Variants in RCBTB1 observed in about 807,000 individuals in gnomAD.
RCBTB1 encodes the protein RCC1 and BTB domain-containing protein 1.
RCBTB1 carries 46 observed loss-of-function variants against 62.4 expected under a neutral mutation model. That is an observed-to-expected ratio of 0.74 (90% confidence interval 0.58 to 0.94). The LOEUF (loss-of-function observed/expected upper bound fraction) is 0.94, where lower values mean the gene tolerates loss of function less well. Ranked by LOEUF, RCBTB1 falls within the 40% of genes least tolerant of loss-of-function variation. The probability of loss-of-function intolerance (pLI) is 0.00; values close to 1 mark genes in which losing one functional copy is unlikely to be tolerated. For missense variants in RCBTB1, 565 were observed against 654.9 expected (o/e 0.86, Z 1.50); for synonymous variants, 222 against 245.8 (o/e 0.90, Z 0.91).
chr13:49,538,155 A>C (rs2139119677), intron 12 of RCBTB1: 1 of 152,316 alleles, frequency 6.6e-6, no homozygotes, highest in East Asian at 1.9e-4. Flanking sequence ...TAATAAACAC[A>C]GTAAGAGGGC....
chr13:49,537,232 A>T (rs7999363), intron 12 of RCBTB1, among the ~76,000 whole-genome samples: 1 of 151,978 alleles, frequency 6.6e-6, no homozygotes, highest in East Asian at 1.9e-4. Flanking sequence ...TAACTGCAAG[A>T]CAAAACCCCA....
chr13:49,576,432 T>C (rs1316629120), intron 2 of RCBTB1, among the ~76,000 whole-genome samples: 1 of 152,118 alleles, frequency 6.6e-6, no homozygotes, highest in East Asian at 1.9e-4. Flanking sequence ...AAATTAAATA[T>C]AGAAAGGTTT....
intron 1 of RCBTB1, among the ~76,000 whole-genome samples, chr13:49,584,847 T>C (rs1440532151): frequency 6.6e-6 from 1 of 152,186 alleles, no homozygotes; most frequent in Non-Finnish European, 1.5e-5. Flanking sequence ...GCGTGCTCGA[T>C]AGTCATCTTA....
At position 49,533,837 on chromosome 13, in the gene RCBTB1, G is replaced by C. The variant is rs3186012; in HGVS notation, c.*285C>G. 0.49 allele frequency: 115,070 copies of C among 232,532 alleles called. 29,200 individuals are homozygous for C. The highest frequency in any genetic ancestry group is 0.55 in the Middle Eastern group (386 of 696). The allele number at this position is 232,532 out of a possible 1,614,324, so 14.4% of individuals were successfully genotyped here. ...AAGTTCCTCTAATCAAAAATGAAAAGAAGACCAAAAACGACTAACTTTCAC... is the reference window on the plus strand; with the variant it reads ...AAGTTCCTCTAATCAAAAATGAAAACAAGACCAAAAACGACTAACTTTCAC... On this transcript the variant is annotated 3_prime_UTR_variant, in exon 13 of 13. Coordinates refer to ENST00000378302, the MANE Select transcript of RCBTB1 (RefSeq NM_018191.4).
chr13:49,547,263 G>GCACTCTTGC, intron 9 of RCBTB1: 1 of 1,041,070 alleles, frequency 9.6e-7, no homozygotes. Context: ...TTTAAGGCAA[G>GCACTCTTGC]CTTAACTCTT....
At chr13:49,554,104 T>C (rs1428523016) in intron 6 of RCBTB1, among the ~76,000 whole-genome samples, 2 of 152,160 alleles carry the variant, frequency 1.3e-5, no homozygotes, top group Non-Finnish European at 2.9e-5. Flanking sequence ...CAGGATGCTA[T>C]ACAGGGGAGC....
intron 11 of RCBTB1, 70 bp from the exon 12 acceptor site, chr13:49,541,076 G>A: frequency 7.5e-7 from 1 of 1,338,426 alleles, no homozygotes; most frequent in South Asian, 1.3e-5. Flanking sequence ...ATTTTGTTTT[G>A]GTGAACAGAG....
chr13:49,583,359 C>A (rs1351330134), intron 1 of RCBTB1, among the ~76,000 whole-genome samples: 4 of 149,518 alleles, frequency 2.7e-5, no homozygotes, highest in African/African-American at 9.9e-5. Flanking sequence ...AGCTTTTCTA[C>A]CCCAGGAAAG....
At position 49,540,881 on chromosome 13, in the gene RCBTB1, C is replaced by T; in HGVS notation, c.1450G>A (p.Ala484Thr). 1 of 1,612,146 alleles carries T rather than the reference C, an allele frequency of 6.2e-7. No individual in the cohort carries two copies. ...SLFSAAVRYDAEDLEEFCFKF... is the reference protein window; with the variant it reads ...SLFSAAVRYDTEDLEEFCFKF... ...CTGTTTGTTGTTTAAGTTACCTCTG[C>T]ATCATATCTGACTGCAGCAGAGAAT... The change falls in exon 12 of 13, where the codon GCA becomes ACA. Residue 484 changes from alanine to threonine, a missense_variant. Ala to Thr is a moderately conservative substitution (Grantham distance 58). Coordinates refer to ENST00000378302, the MANE Select transcript of RCBTB1 (RefSeq NM_018191.4).
chr13:49,545,014 G>T, intron 9 of RCBTB1, 151 bp from the exon 10 acceptor site: 6 of 538,740 alleles, frequency 1.1e-5, no homozygotes, highest in Non-Finnish European at 1.3e-5. Flanking sequence ...CAATTCTACG[G>T]TATTAAAGTA....
chr13:49,557,296 C>T (rs1211864702), intron 5 of RCBTB1, among the ~76,000 whole-genome samples: 1 of 151,850 alleles, frequency 6.6e-6, no homozygotes, highest in East Asian at 1.9e-4. Context: ...CAGGAAATGA[C>T]AAGACTTGAC....
Position 49,574,201 on chromosome 13 carries a change from C to T in RCBTB1, c.-42+6304G>A, listed in dbSNP as rs149199312. Among the ~76,000 whole-genome samples the T allele has an allele frequency of 3.3e-3, 496 of 152,176 alleles. 2 individuals are homozygous for T. The highest frequency in any genetic ancestry group is 5.6e-3 in the Admixed American group (86 of 15,282). ...TGGCACCATCTTGGCTCACTGCAACCTCCACCTCCCCAGTTCAAGCAATTC... is the reference window on the plus strand; with the variant it reads ...TGGCACCATCTTGGCTCACTGCAACTTCCACCTCCCCAGTTCAAGCAATTC... On this transcript the variant is annotated intron_variant, in intron 2 of 12. Transcript: ENST00000378302.
At chr13:49,547,225 G>A in intron 9 of RCBTB1, 1 of 1,202,074 alleles carries the variant, frequency 8.3e-7, no homozygotes, top group Non-Finnish European at 1.1e-6. Flanking sequence ...CAAAAATAAA[G>A]TGAAAGGGAG....
At chr13:49,540,825 A>T (rs2139130693) in intron 12 of RCBTB1, 51 bp downstream of exon 12, 1 of 1,578,486 alleles carries the variant, frequency 6.3e-7, no homozygotes, top group South Asian at 1.2e-5. Context: ...GGGGGAGACG[A>T]GCACAAAGGG....
chr13:49,564,911 A>G (rs896063976), intron 4 of RCBTB1, among the ~76,000 whole-genome samples: 2 of 151,968 alleles, frequency 1.3e-5, no homozygotes, highest in African/African-American at 4.8e-5. Context: ...AGAAAGAAAG[A>G]AAAGAAAAAC....
chr13:49,541,089 G>A, intron 11 of RCBTB1, 83 bp from the exon 12 acceptor site: 2 of 1,223,406 alleles, frequency 1.6e-6, no homozygotes, highest in South Asian at 1.5e-5. Flanking sequence ...GAACAGAGGT[G>A]TACAGGTAAA....
intron 7 of RCBTB1, 152 bp downstream of exon 7, chr13:49,552,026 G>C: frequency 1.6e-6 from 1 of 636,124 alleles, no homozygotes; most frequent in Non-Finnish European, 2.8e-6. Flanking sequence ...CTCCTCGTGG[G>C]AAATTAGGGA....
chr13:49,551,130 G>A (rs1594279546), intron 8 of RCBTB1, 196 bp downstream of exon 8: 4 of 524,372 alleles, frequency 7.6e-6, no homozygotes, highest in South Asian at 5.0e-5. Flanking sequence ...GGGAAGGGGG[G>A]AGGGAGAAGG....
intron 6 of RCBTB1, among the ~76,000 whole-genome samples, chr13:49,554,306 T>C (rs566495355): frequency 1.3e-4 from 20 of 152,212 alleles, no homozygotes; most frequent in Non-Finnish European, 2.2e-4. Context: ...TTGTCTTCCT[T>C]TACTTTGTTA....
Sources: gnomAD v4.1 joint callset for allele counts (sites outside exome capture counted in the v4.1 genomes callset) on GRCh38, gnomAD v4.1.1 for gene constraint, MANE v1.5 for transcripts, NCBI Gene and HGNC (gene_info 2026-07-23, HGNC 2026-07-21) for gene names.